TMTC2: variants seen among roughly 807,000 people sequenced by gnomAD.
TMTC2 encodes the protein protein O-mannosyl-transferase TMTC2.
In TMTC2, 43 loss-of-function variants were observed where a neutral mutation model predicts 82.4. The ratio of observed to expected loss-of-function variants is 0.52; its 90% CI spans 0.41 to 0.67. The LOEUF (loss-of-function observed/expected upper bound fraction) is 0.67, where lower values mean the gene tolerates loss of function less well. Among genes scored for constraint, TMTC2 ranks in the 30% least tolerant of loss-of-function variants. The probability of loss-of-function intolerance (pLI) is 0.00; values close to 1 mark genes in which losing one functional copy is unlikely to be tolerated. For synonymous variants in TMTC2, 408 were observed against 381.9 expected (o/e 1.07, Z -0.80); for missense variants, 919 against 1,012.4 (o/e 0.91, Z 1.25).
intron 3 of TMTC2, among the ~76,000 whole-genome samples, chr12:82,912,532 T>G (rs1176021875): frequency 6.6e-6 from 1 of 152,254 alleles, no homozygotes; most frequent in Non-Finnish European, 1.5e-5. Context: ...GTCAGTTGAC[T>G]TAATCTCTTT....
At chr12:83,119,807 A>G (rs1316824067) in intron 11 of TMTC2, among the ~76,000 whole-genome samples, 1 of 152,062 alleles carries the variant, frequency 6.6e-6, no homozygotes, top group African/African-American at 2.4e-5. Flanking sequence ...GTCATTTTAT[A>G]AATGTGGGAG....
chr12:82,687,732 C>A, intron 1 of TMTC2, 63 bp downstream of exon 1: 1 of 1,505,128 alleles, frequency 6.6e-7, no homozygotes, highest in Non-Finnish European at 9.1e-7. Flanking sequence ...GGCTCTGAAG[C>A]TTCCCTCTTT....
At chr12:82,801,783 C>T (rs1879017553) in intron 1 of TMTC2, among the ~76,000 whole-genome samples, 1 of 152,094 alleles carries the variant, frequency 6.6e-6, no homozygotes, top group South Asian at 2.1e-4. Flanking sequence ...CCTCCAAGTC[C>T]CCACCAGATT....
At chr12:82,914,468 A>G (rs1874878552) in intron 3 of TMTC2, among the ~76,000 whole-genome samples, 1 of 152,208 alleles carries the variant, frequency 6.6e-6, no homozygotes, top group Non-Finnish European at 1.5e-5. Context: ...GAGGTACTAT[A>G]TTTATAACTT....
chr12:82,865,705 T>C, intron 2 of TMTC2, among the ~76,000 whole-genome samples: 1 of 152,140 alleles, frequency 6.6e-6, no homozygotes, highest in Non-Finnish European at 1.5e-5. Flanking sequence ...CAACAGAATA[T>C]ACATTCTTCC....
At chr12:83,001,635 C>CA (rs34467744) in intron 8 of TMTC2, among the ~76,000 whole-genome samples, 8,293 of 92,954 alleles carry the variant, frequency 0.089, 398 homozygotes, top group African/African-American at 0.14. Context: ...AACTCTGTCT[C>CA]AAAAAAAAAA....
chr12:82,815,286 T>G (rs778151618), intron 1 of TMTC2, among the ~76,000 whole-genome samples: 2 of 134,056 alleles, frequency 1.5e-5, no homozygotes, highest in African/African-American at 3.2e-5. Context: ...TTTGCGCATT[T>G]ATTTTTTTTA....
At chr12:82,752,384 G>T (rs773322307) in intron 1 of TMTC2, among the ~76,000 whole-genome samples, 2 of 152,056 alleles carry the variant, frequency 1.3e-5, no homozygotes, top group Non-Finnish European at 2.9e-5. Context: ...TACTTGGGAG[G>T]CTGAGGCAGG....
intron 1 of TMTC2, among the ~76,000 whole-genome samples, chr12:82,822,848 G>A (rs539823920): frequency 2.6e-5 from 4 of 152,164 alleles, no homozygotes; most frequent in Admixed American, 1.3e-4. Flanking sequence ...GCTGCAGTAC[G>A]TTGTATTCTC....
intron 1 of TMTC2, among the ~76,000 whole-genome samples, chr12:82,695,072 C>T (rs909241892): frequency 6.6e-5 from 10 of 152,106 alleles, no homozygotes; most frequent in African/African-American, 2.2e-4. Context: ...GCCACTGGGA[C>T]GCAATATGGC....
At chr12:82,866,617 G>A (rs975175025) in intron 2 of TMTC2, among the ~76,000 whole-genome samples, 1 of 152,070 alleles carries the variant, frequency 6.6e-6, no homozygotes, top group Non-Finnish European at 1.5e-5. Context: ...GCTGCCTGGG[G>A]GAATCAAATT....
rs145105091 is a variant in TMTC2, at chr12:82,858,335, A to C, written c.654+755A>C. Among the ~76,000 whole-genome samples, 22 of 152,290 alleles carry C rather than the reference A, an allele frequency of 1.4e-4. No individual in the cohort carries two copies. In the East Asian group the frequency reaches 4.3e-3, roughly 29 times the overall value. On this transcript the variant is annotated intron_variant, in intron 2 of 11. Coordinates refer to ENST00000321196, the MANE Select transcript of TMTC2 (RefSeq NM_152588.3). ...CATTGAGCGGACGGGGCATCTTGAG[A>C]AATTGTCTGCCTTCCCATCTCCCCA...
In TMTC2 at chr12:82,811,422, T is replaced by C. The variant is rs73157495; in HGVS notation, c.84-45588T>C. Among the ~76,000 whole-genome samples the C allele has an allele frequency of 2.9e-4, 44 of 152,192 alleles. 1 individual carries two copies. The highest frequency in any genetic ancestry group is 5.7e-4 in the Non-Finnish European group (39 of 67,992). ...TAATTAGGTTTTGGCCAATTTCTTA[T>C]ATATTTTACAATAATAGTATTAATT... On this transcript the variant is annotated intron_variant, in intron 1 of 11. Transcript: ENST00000321196.
At chr12:82,768,028 T>TACTCGTTTCCTGCTA (rs11273512) in intron 1 of TMTC2, among the ~76,000 whole-genome samples, 37,703 of 152,096 alleles carry the variant, frequency 0.25, 5,769 homozygotes, top group African/African-American at 0.43. Flanking sequence ...TAAACTTACT[T>TACTCGTTTCCTGCTA]ACTCATCTTT....
At chr12:82,763,168 C>T (rs906151133) in intron 1 of TMTC2, among the ~76,000 whole-genome samples, 12 of 143,512 alleles carry the variant, frequency 8.4e-5, no homozygotes, top group African/African-American at 3.1e-4. Flanking sequence ...CAAAGTTAAA[C>T]AGATATTCAA....
intron 1 of TMTC2, among the ~76,000 whole-genome samples, chr12:82,719,194 A>T (rs1347557823): frequency 6.8e-6 from 1 of 147,346 alleles, no homozygotes; most frequent in East Asian, 2.0e-4. Context: ...CCCAGATTCA[A>T]GCAATTCTCT....
At chr12:82,737,447 G>A (rs945543896) in intron 1 of TMTC2, among the ~76,000 whole-genome samples, 1 of 152,100 alleles carries the variant, frequency 6.6e-6, no homozygotes, top group Non-Finnish European at 1.5e-5. Flanking sequence ...TGTGAGACTC[G>A]ACAGTTCTGT....
At chr12:83,013,555 G>T (rs60058060) in intron 8 of TMTC2, among the ~76,000 whole-genome samples, 1,871 of 152,050 alleles carry the variant, frequency 0.012, 36 homozygotes, top group African/African-American at 0.043. Flanking sequence ...TCCCTCCATT[G>T]CCTATTCAGT....
chr12:82,710,508 A>G (rs1452585434), intron 1 of TMTC2, among the ~76,000 whole-genome samples: 1 of 152,216 alleles, frequency 6.6e-6, no homozygotes, highest in African/African-American at 2.4e-5. Flanking sequence ...CAGTAATTCC[A>G]TCTCAGATAA....
Sources: gnomAD v4.1 joint callset for allele counts (sites outside exome capture counted in the v4.1 genomes callset) on GRCh38, gnomAD v4.1.1 for gene constraint, MANE v1.5 for transcripts, NCBI Gene and HGNC (gene_info 2026-07-23, HGNC 2026-07-21) for gene names.